Variants in PDE1A observed in about 807,000 individuals in gnomAD.
PDE1A encodes phosphodiesterase 1A, also known as dual specificity calcium/calmodulin-dependent 3',5'-cyclic nucleotide phosphodiesterase 1A.
In PDE1A, 35 loss-of-function variants were observed where a neutral mutation model predicts 61.7. The observed-to-expected ratio is 0.57, with a 90% CI of 0.43 to 0.75. The LOEUF is 0.75. PDE1A is among the 30% of genes least tolerant of loss of function. PDE1A has a pLI of 0.00. For missense variants in PDE1A, 597 were observed against 630.6 expected (o/e 0.95, Z 0.57); for synonymous variants, 232 against 213.2 (o/e 1.09, Z -0.77).
intron 10 of PDE1A, among the ~76,000 whole-genome samples, chr2:182,193,212 T>A (rs1685861227): frequency 6.6e-6 from 1 of 152,118 alleles, no homozygotes; most frequent in African/African-American, 2.4e-5. Flanking sequence ...GGTCTCGAAC[T>A]CCTGACCTTG....
the PDE1A span, among the ~76,000 whole-genome samples, chr2:182,589,950 G>T: frequency 6.6e-6 from 1 of 152,074 alleles, no homozygotes; most frequent in Non-Finnish European, 1.5e-5. Flanking sequence ...CACGCTATTA[G>T]CTTTTGGTGC....
chr2:182,308,331 A>G (rs1380312449), intron 1 of PDE1A, among the ~76,000 whole-genome samples: 1 of 152,182 alleles, frequency 6.6e-6, no homozygotes, highest in African/African-American at 2.4e-5. Flanking sequence ...TCCAATAAAG[A>G]TGGATGTGGT....
At chr2:182,210,208 T>C (rs866690035) in intron 7 of PDE1A, among the ~76,000 whole-genome samples, 26 of 152,352 alleles carry the variant, frequency 1.7e-4, no homozygotes, top group Middle Eastern at 6.8e-3. Context: ...AATTTTGTAA[T>C]AAATTGGTAA....
the PDE1A span, among the ~76,000 whole-genome samples, chr2:182,549,556 T>C: frequency 6.6e-6 from 1 of 152,174 alleles, no homozygotes; most frequent in African/African-American, 2.4e-5. Flanking sequence ...GAACAAATTG[T>C]GTACTTAAAT....
the PDE1A span, among the ~76,000 whole-genome samples, chr2:182,602,303 G>A: frequency 2.0e-5 from 3 of 152,352 alleles, no homozygotes; most frequent in Non-Finnish European, 4.4e-5. Flanking sequence ...GCTCCATGGA[G>A]CATGAAGCCC....
At chr2:182,602,992 C>CACACACACACACATACATACAT in the PDE1A span, among the ~76,000 whole-genome samples, 5 of 130,492 alleles carry the variant, frequency 3.8e-5, no homozygotes, top group African/African-American at 1.4e-4. Context: ...CACACACACA[C>CACACACACACACATACATACAT]ACATACATAC....
chr2:182,234,703 A>C (rs1689865996), intron 3 of PDE1A, among the ~76,000 whole-genome samples: 1 of 152,162 alleles, frequency 6.6e-6, no homozygotes, highest in Non-Finnish European at 1.5e-5. Context: ...CTCTATTCAC[A>C]ATCACCCTGC....
chr2:182,688,554 G>A, the PDE1A span, among the ~76,000 whole-genome samples: 1 of 152,188 alleles, frequency 6.6e-6, no homozygotes, highest in Non-Finnish European at 1.5e-5. Context: ...GGAACAACCG[G>A]TATCAGCCAC....
the PDE1A span, among the ~76,000 whole-genome samples, chr2:182,539,586 G>T: frequency 2.6e-5 from 4 of 152,160 alleles, no homozygotes; most frequent in Non-Finnish European, 5.9e-5. Context: ...TTGTTAGCTA[G>T]AAAAAGCTAT....
intron 3 of PDE1A, among the ~76,000 whole-genome samples, chr2:182,238,490 A>C (rs954897017): frequency 6.6e-6 from 1 of 152,032 alleles, no homozygotes; most frequent in Non-Finnish European, 1.5e-5. Flanking sequence ...CATTTGGGTA[A>C]GTAATTGCCA....
rs1689006502 is a variant in PDE1A, at chr2:182,500,222, T to A, written c.101+22054A>T. On this transcript the variant is annotated intron_variant, in intron 2 of 14. Coordinates refer to the PDE1A transcript ENST00000410103. ...TACTCCATAGGAACATATTCATACTTTACTACTTGGCTCAGAAGTGAAGCC... is the reference window on the plus strand; with the variant it reads ...TACTCCATAGGAACATATTCATACTATACTACTTGGCTCAGAAGTGAAGCC... 2.0e-5 allele frequency among the ~76,000 whole-genome samples: 3 copies of A among 152,144 alleles called. No individual in the cohort carries two copies. The South Asian group carries it at 6.2e-4, about 31-fold the overall frequency.
chr2:182,321,650 T>C (rs1696699066), intron 1 of PDE1A, among the ~76,000 whole-genome samples: 1 of 152,158 alleles, frequency 6.6e-6, no homozygotes, highest in Non-Finnish European at 1.5e-5. Context: ...CACCTGTTTT[T>C]TCACTAATGG....
chr2:182,652,518 T>C, the PDE1A span, among the ~76,000 whole-genome samples: 1 of 152,052 alleles, frequency 6.6e-6, no homozygotes, highest in African/African-American at 2.4e-5. Context: ...CACTGCAAAA[T>C]GAGTCAAAAC....
intron 13 of PDE1A, among the ~76,000 whole-genome samples, chr2:182,154,620 C>G (rs576971527): frequency 6.6e-6 from 1 of 152,158 alleles, no homozygotes; most frequent in African/African-American, 2.4e-5. Flanking sequence ...CTTCTTGCCT[C>G]TCTTGCCTGC....
chr2:182,534,292 GA>G, the PDE1A span, among the ~76,000 whole-genome samples: 1 of 151,582 alleles, frequency 6.6e-6, no homozygotes, highest in African/African-American at 2.4e-5. Flanking sequence ...TTGTTATAAA[GA>G]ATTCTCTAAT....
At chr2:182,488,528 A>G (rs1574779949) in intron 2 of PDE1A, among the ~76,000 whole-genome samples, 1 of 152,324 alleles carries the variant, frequency 6.6e-6, no homozygotes, top group African/African-American at 2.4e-5. Context: ...ATTTCCATTT[A>G]GATATTGTAC....
At chr2:182,211,818 T>G (rs920285824) in intron 7 of PDE1A, among the ~76,000 whole-genome samples, 8 of 152,240 alleles carry the variant, frequency 5.3e-5, no homozygotes, top group African/African-American at 9.6e-5. Context: ...TGCTGGCATA[T>G]AGAAAAGCAA....
chr2:182,557,756 G>C, the PDE1A span, among the ~76,000 whole-genome samples: 2 of 151,812 alleles, frequency 1.3e-5, no homozygotes, highest in South Asian at 4.1e-4. Context: ...AAATAAAAAA[G>C]TCTCTAAATG....
At chr2:182,645,903 T>C in the PDE1A span, among the ~76,000 whole-genome samples, 1 of 152,184 alleles carries the variant, frequency 6.6e-6, no homozygotes, top group African/African-American at 2.4e-5. Context: ...TCATCCAAAG[T>C]AAAGAATTTG....
Sources: gnomAD v4.1 joint callset for allele counts (sites outside exome capture counted in the v4.1 genomes callset) on GRCh38, gnomAD v4.1.1 for gene constraint, MANE v1.5 for transcripts, NCBI Gene and HGNC (gene_info 2026-07-23, HGNC 2026-07-21) for gene names.